PCDH11X: variants seen among roughly 807,000 people sequenced by gnomAD.
The protein encoded by PCDH11X is protocadherin 11 X-linked.
In PCDH11X, 18 loss-of-function variants were observed where a neutral mutation model predicts 53.3. The observed-to-expected ratio is 0.34, with a 90% CI of 0.23 to 0.50. The LOEUF (loss-of-function observed/expected upper bound fraction) is 0.50, where lower values mean the gene tolerates loss of function less well. PCDH11X is among the 20% of genes least tolerant of loss of function. PCDH11X has a pLI of 0.98. For synonymous variants in PCDH11X, 279 were observed against 393.3 expected, an observed-to-expected ratio of 0.71 and a Z score of 3.44; for missense variants, 570 against 1,032.4, an observed-to-expected ratio of 0.55 and a Z score of 6.14.
chrX:91,886,926 G>C lies in PCDH11X; in HGVS notation c.3033+7653G>C, dbSNP rs1482154737. ...GCGGAGCTTGCAGTGAGCCAAGATG[G>C]CGCCACTGCACTCCAGCCTGGGCGA... On this transcript the variant is annotated intron_variant, in intron 6 of 10. Coordinates refer to ENST00000682573, the MANE Select transcript of PCDH11X (RefSeq NM_032968.5). Among the ~76,000 whole-genome samples the C allele has an allele frequency of 1.6e-4, 16 of 100,475 alleles. No homozygotes were observed. The South Asian group carries it at 6.3e-3, about 39-fold the overall frequency. 87.3% of individuals were successfully genotyped at this position (100,475 alleles called of 115,157 possible).
chrX:92,609,996 C>T (rs1415514942), intron 10 of PCDH11X, among the ~76,000 whole-genome samples: 1 of 111,911 alleles, frequency 8.9e-6, no homozygotes, highest in East Asian at 2.8e-4. Context: ...CAATCCACCA[C>T]TGATGGTCAC....
chrX:92,148,517 G>A, intron 6 of PCDH11X, among the ~76,000 whole-genome samples: 1 of 107,631 alleles, frequency 9.3e-6, no homozygotes, highest in South Asian at 4.2e-4. Flanking sequence ...CTGAGCCACT[G>A]CGTCGGCCTG....
intron 6 of PCDH11X, among the ~76,000 whole-genome samples, chrX:91,934,731 A>G (rs1381886888): frequency 9.4e-6 from 1 of 106,127 alleles, no homozygotes; most frequent in African/African-American, 3.4e-5. Flanking sequence ...ACTTTACTGG[A>G]ACCATCAAAT....
chrX:91,883,747 G>T, intron 6 of PCDH11X: 1 of 582,076 alleles, frequency 1.7e-6, no homozygotes, highest in Non-Finnish European at 2.1e-6. Flanking sequence ...GGAGCTTGCA[G>T]TGAGCCGAGA....
In PCDH11X at chrX:92,504,450, T is replaced by C. The variant is rs140340400; in HGVS notation, c.3367+36128T>C. Among the ~76,000 whole-genome samples the C allele has an allele frequency of 2.9e-3, 324 of 111,751 alleles. 2 individuals carry two copies. The highest frequency in any genetic ancestry group is 9.9e-3 in the African/African-American group (306 of 30,804). On this transcript the variant is annotated intron_variant, in intron 10 of 10. Transcript: ENST00000682573. ...GCTGCAAAGGTCACAATCTCACTTG[T>C]TGTTATGGCTACATAGTATTGGATC...
At chrX:92,188,096 C>T (rs2066130441) in intron 6 of PCDH11X, among the ~76,000 whole-genome samples, 1 of 111,349 alleles carries the variant, frequency 9.0e-6, no homozygotes, top group Non-Finnish European at 1.9e-5. Context: ...TTCCTAGAAC[C>T]TATGTGGCAG....
intron 6 of PCDH11X, among the ~76,000 whole-genome samples, chrX:92,111,556 A>G (rs1169247657): frequency 1.8e-5 from 2 of 110,719 alleles, no homozygotes; most frequent in African/African-American, 3.3e-5. Context: ...GAAATTTTAA[A>G]AAAACAGCAT....
intron 6 of PCDH11X, among the ~76,000 whole-genome samples, chrX:92,112,551 G>A (rs2064542549): frequency 9.3e-6 from 1 of 107,882 alleles, no homozygotes; most frequent in Admixed American, 9.7e-5. Flanking sequence ...TTTTTAGATA[G>A]AGATTTATTA....
intron 6 of PCDH11X, among the ~76,000 whole-genome samples, chrX:92,097,759 T>C (rs188848824): frequency 0.014 from 1,569 of 110,612 alleles, 27 homozygotes; most frequent in African/African-American, 0.048. Context: ...CTTTAAGGGA[T>C]TGGTTCTAGC....
intron 10 of PCDH11X, among the ~76,000 whole-genome samples, chrX:92,524,011 T>G (rs1328680290): frequency 9.1e-6 from 1 of 109,883 alleles, no homozygotes; most frequent in East Asian, 2.9e-4. Flanking sequence ...TATGCAGTAC[T>G]AGGGAGGTTA....
chrX:91,902,730 C>T (rs879037789), intron 6 of PCDH11X, among the ~76,000 whole-genome samples: 3 of 109,368 alleles, frequency 2.7e-5, no homozygotes, highest in South Asian at 4.0e-4. Context: ...TTCCCTTCAA[C>T]TTCCTTTTCC....
chrX:92,354,625 C>T (rs1452174127), intron 8 of PCDH11X, among the ~76,000 whole-genome samples: 2 of 111,518 alleles, frequency 1.8e-5, no homozygotes, highest in Non-Finnish European at 3.8e-5. Context: ...TTTTCCTACT[C>T]CACAAACTCC....
intron 6 of PCDH11X, among the ~76,000 whole-genome samples, chrX:91,988,688 A>G (rs1450311806): frequency 3.6e-5 from 4 of 112,670 alleles, no homozygotes; most frequent in African/African-American, 1.3e-4. Flanking sequence ...ATATTTTGCA[A>G]TTACTTTTGA....
At position 92,599,275 on chromosome X, in the gene PCDH11X, C is replaced by A. The variant is rs1987332; in HGVS notation, c.3368-18989C>A. 2.5e-3 allele frequency among the ~76,000 whole-genome samples: 281 copies of A among 111,820 alleles called. 2 individuals are homozygous for A. The highest frequency in any genetic ancestry group is 8.6e-3 in the African/African-American group (265 of 30,795). ...TTCATGGTGTGATTGTTACACTTTGCACACCTGTATCAAAACATCTTATGT... is the reference window on the plus strand; with the variant it reads ...TTCATGGTGTGATTGTTACACTTTGAACACCTGTATCAAAACATCTTATGT... On this transcript the variant is annotated intron_variant, in intron 10 of 10. Transcript: ENST00000682573.
At chrX:92,138,800 A>T (rs1239622838) in intron 6 of PCDH11X, among the ~76,000 whole-genome samples, 2 of 110,796 alleles carry the variant, frequency 1.8e-5, no homozygotes, top group Non-Finnish European at 3.8e-5. Flanking sequence ...AGTGTCTTTT[A>T]TCAGTTTCAT....
intron 6 of PCDH11X, among the ~76,000 whole-genome samples, chrX:91,953,757 G>T (rs1228136813): frequency 9.1e-6 from 1 of 109,384 alleles, no homozygotes; most frequent in Non-Finnish European, 1.9e-5. Context: ...AAATCAGTTT[G>T]TTACTTTGCT....
At chrX:91,960,572 C>G (rs2061773950) in intron 6 of PCDH11X, among the ~76,000 whole-genome samples, 1 of 110,276 alleles carries the variant, frequency 9.1e-6, no homozygotes, top group Admixed American at 9.7e-5. Context: ...TTACAGGCAC[C>G]CCCCATCATG....
chrX:92,276,201 G>T (rs1181961216), intron 8 of PCDH11X, among the ~76,000 whole-genome samples: 1 of 108,441 alleles, frequency 9.2e-6, no homozygotes, highest in Admixed American at 1.0e-4. Context: ...TGAAAAGAAG[G>T]TAATGTGGAG....
chrX:92,405,983 T>C (rs2071500650), intron 9 of PCDH11X, among the ~76,000 whole-genome samples: 1 of 106,323 alleles, frequency 9.4e-6, no homozygotes, highest in African/African-American at 3.5e-5. Flanking sequence ...TAGTCCCAGC[T>C]ACGCGGGAGG....
Sources: allele counts gnomAD v4.1 joint callset (sites outside exome capture counted in the v4.1 genomes callset), GRCh38; gene constraint gnomAD v4.1.1; transcripts MANE v1.5; gene names NCBI Gene and HGNC (gene_info 2026-07-23, HGNC 2026-07-21).